Variants in UTP4 observed in about 807,000 individuals in gnomAD.
UTP4 encodes U3 small nucleolar RNA-associated protein 4 homolog.
In UTP4, 45 loss-of-function variants were observed where a neutral mutation model predicts 82.4. The ratio of observed to expected loss-of-function variants is 0.55; its 90% CI spans 0.43 to 0.70. The LOEUF (loss-of-function observed/expected upper bound fraction) is 0.70, where lower values mean the gene tolerates loss of function less well. Ranked by LOEUF, UTP4 falls within the 30% of genes least tolerant of loss-of-function variation. The pLI, the probability that UTP4 is intolerant of heterozygous loss-of-function variation, is 0.00. For missense variants in UTP4, 819 were observed against 858.3 expected, an observed-to-expected ratio of 0.95 and a Z score of 0.57; for synonymous variants, 348 against 300.3, an observed-to-expected ratio of 1.16 and a Z score of -1.64.
At chr16:69,146,920 G>A (rs1370748251) in intron 6 of UTP4, among the ~76,000 whole-genome samples, 7 of 149,046 alleles carry the variant, frequency 4.7e-5, no homozygotes, top group Non-Finnish European at 8.9e-5. Flanking sequence ...GGAGAATGGC[G>A]TGAACCAGAG....
intron 6 of UTP4, among the ~76,000 whole-genome samples, chr16:69,145,550 GCTTTTT>G (rs577785687): frequency 3.3e-5 from 5 of 152,040 alleles, no homozygotes; most frequent in African/African-American, 9.7e-5. Context: ...ACCGCCCCTG[GCTTTTT>G]CTTTTTCTTT....
chr16:69,154,495 G>A, intron 10 of UTP4, 38 bp downstream of exon 10: 1 of 1,383,204 alleles, frequency 7.2e-7, no homozygotes, highest in Non-Finnish European at 1.0e-6. Flanking sequence ...TCTAGAGCCT[G>A]AATTCTAGGC....
chr16:69,155,185 C>T (rs536223493), intron 10 of UTP4, among the ~76,000 whole-genome samples: 2 of 151,954 alleles, frequency 1.3e-5, no homozygotes, highest in Non-Finnish European at 2.9e-5. Context: ...TGTTTGCTTA[C>T]TTTTTTGAGG....
At chr16:69,160,838 C>T (rs1057226464) in intron 13 of UTP4, among the ~76,000 whole-genome samples, 4 of 152,138 alleles carry the variant, frequency 2.6e-5, no homozygotes, top group South Asian at 2.1e-4. Context: ...TCAGGCAATC[C>T]GCCCACCTCG....
chr16:69,156,923 G>A (rs1247002938), intron 11 of UTP4, among the ~76,000 whole-genome samples, 161 bp from the exon 12 acceptor site: 1 of 152,192 alleles, frequency 6.6e-6, no homozygotes. Flanking sequence ...GATGAAAGGG[G>A]GATGTATAGA....
chr16:69,143,207 A>G lies in UTP4; in HGVS notation c.556A>G (p.Arg186Gly). The part of the protein sequence containing the change: ...GSAVHKMIVD[R>G]QYMGVSKRKC... ...CGCTGTTCATAAGATGATTGTGGAC[A>G]GGCAGTATATGGGCGTGTCTAAGCG... The change falls in exon 6 of 17, where the codon AGG (arginine) becomes GGG (glycine). Residue 186 changes from arginine to glycine, a missense_variant. Transcript: ENST00000314423. 1 of 1,614,248 alleles carries G rather than the reference A, an allele frequency of 6.2e-7. No individual in the cohort carries two copies. The highest frequency in any genetic ancestry group is 8.5e-7 in the Non-Finnish European group (1 of 1,180,040).
intron 6 of UTP4, 69 bp from the exon 7 acceptor site, chr16:69,150,468 C>T: frequency 6.4e-7 from 1 of 1,555,980 alleles, no homozygotes; most frequent in Non-Finnish European, 8.9e-7. Flanking sequence ...AGACAGAAAG[C>T]CTCGGAATAT....
chr16:69,162,344 G>A (rs530068884), intron 13 of UTP4, among the ~76,000 whole-genome samples: 17 of 152,130 alleles, frequency 1.1e-4, no homozygotes, highest in South Asian at 6.2e-4. Flanking sequence ...TTGGGAGGCC[G>A]AGGTGGGTGG....
chr16:69,152,573 G>A (rs547078335), intron 8 of UTP4, among the ~76,000 whole-genome samples: 32 of 149,902 alleles, frequency 2.1e-4, no homozygotes, highest in South Asian at 8.5e-4. Context: ...GGGTTCAAGC[G>A]ATTCTCCTGC....
At chr16:69,148,162 CGT>C (rs1188832321) in intron 6 of UTP4, among the ~76,000 whole-genome samples, 1 of 152,032 alleles carries the variant, frequency 6.6e-6, no homozygotes, top group African/African-American at 2.4e-5. Flanking sequence ...GGGTTTTCAC[CGT>C]GTTAGCCAGG....
chr16:69,156,127 A>G, intron 11 of UTP4, 134 bp downstream of exon 11: 1 of 833,812 alleles, frequency 1.2e-6, no homozygotes, highest in Non-Finnish European at 1.9e-6. Context: ...GAAGGCTGTT[A>G]TGAAACAGTG....
At chr16:69,149,017 G>A (rs943125944) in intron 6 of UTP4, among the ~76,000 whole-genome samples, 2 of 151,710 alleles carry the variant, frequency 1.3e-5, no homozygotes, top group African/African-American at 4.8e-5. Context: ...AGGCTGAGGC[G>A]GGCGGATCAC....
At position 69,146,830 on chromosome 16, in the gene UTP4, A is replaced by T. The variant is rs1412469090; in HGVS notation, c.738+3441A>T. Among the ~76,000 whole-genome samples, 3 of 150,794 alleles carry T rather than the reference A, an allele frequency of 2.0e-5. No homozygotes were observed. In the East Asian group the frequency reaches 5.9e-4, roughly 29 times the overall value. ...GCTAACATGGTGAAACCCCATCTCT[A>T]CTAAAAAAAAAAAATACAAAAAATT... On this transcript the variant is annotated intron_variant, in intron 6 of 16. Coordinates refer to ENST00000314423, the MANE Select transcript of UTP4 (RefSeq NM_032830.3).
At chr16:69,167,554 T>C in intron 16 of UTP4, 2 of 238,070 alleles carry the variant, frequency 8.4e-6, no homozygotes, top group Middle Eastern at 1.7e-3. Context: ...TCCCAGCACT[T>C]TGGGAGGCCA....
rs773710662 is a variant in UTP4 at position 69,163,038 on chromosome 16, A to G, written c.1552-45A>G. 1.1e-5 allele frequency: 16 copies of G among 1,400,732 alleles called. No individual in the cohort carries two copies. In the South Asian group the frequency reaches 1.2e-4, roughly 10 times the overall value. 86.8% of individuals were successfully genotyped at this position (1,400,732 alleles called of 1,614,324 possible). ...AGACCATTCAATCTTTGCTGAGGAA[A>G]AGTGTCACTTAGAGTTGCCACTTGT... On this transcript the variant is annotated intron_variant, in intron 13 of 16. Transcript: ENST00000314423.
intron 8 of UTP4, among the ~76,000 whole-genome samples, chr16:69,151,162 G>A (rs1205308809): frequency 6.6e-6 from 1 of 151,136 alleles, no homozygotes; most frequent in Non-Finnish European, 1.5e-5. Context: ...ATGCGCCACC[G>A]CGCTCAGCTA....
At chr16:69,144,202 T>C (rs969620652) in intron 6 of UTP4, among the ~76,000 whole-genome samples, 6 of 146,484 alleles carry the variant, frequency 4.1e-5, no homozygotes, top group African/African-American at 1.0e-4. Context: ...TTCTCTCTCT[T>C]TTTTTTTTTA....
At chr16:69,139,451 C>G (rs1786498324) in intron 4 of UTP4, among the ~76,000 whole-genome samples, 1 of 151,040 alleles carries the variant, frequency 6.6e-6, no homozygotes, top group Non-Finnish European at 1.5e-5. Flanking sequence ...CCAGCGTGGC[C>G]AACATGGTGA....
intron 12 of UTP4, among the ~76,000 whole-genome samples, chr16:69,158,870 A>G (rs774031737): frequency 2.8e-4 from 43 of 152,148 alleles, no homozygotes; most frequent in Non-Finnish European, 5.3e-4. Flanking sequence ...GCATTTTGGC[A>G]TAGAGCATCA....
Sources: allele counts gnomAD v4.1 joint callset (sites outside exome capture counted in the v4.1 genomes callset), GRCh38; gene constraint gnomAD v4.1.1; transcripts MANE v1.5; gene names NCBI Gene and HGNC (gene_info 2026-07-23, HGNC 2026-07-21).